Variants in CCL20 observed in about 807,000 individuals in gnomAD.
The protein encoded by CCL20 is C-C motif chemokine ligand 20.
A neutral mutation model predicts 10.8 loss-of-function variants in CCL20; 8 were observed. That is an observed-to-expected ratio of 0.74 (90% confidence interval 0.44 to 1.34). CCL20 has a LOEUF of 1.34. Ranked by LOEUF, CCL20 falls within the 40% of genes most tolerant of loss-of-function variation. The pLI is 0.01. For missense variants in CCL20, 107 were observed against 117.9 expected (o/e 0.91, Z 0.43); for synonymous variants, 40 against 39.4 (o/e 1.02, Z -0.06).
At position 227,817,187 on chromosome 2, in the gene CCL20, A is replaced by G; in HGVS notation, c.*104A>G. 2 of 811,842 alleles carry G rather than the reference A, an allele frequency of 2.5e-6. No individual in the cohort carries two copies. Among genetic ancestry groups the G allele is most frequent in the South Asian group, 1.8e-5 (1 of 56,666 alleles). 50.3% of individuals were successfully genotyped at this position (811,842 alleles called of 1,614,324 possible). A position where few individuals can be genotyped will look rare whatever the true frequency, so the allele number is the denominator to read the frequency against. ...GCACATCATGGAGGGTTTAGTGCTTATCTAATTTGTGCCTCACTGGACTTG... is the reference window on the plus strand; with the variant it reads ...GCACATCATGGAGGGTTTAGTGCTTGTCTAATTTGTGCCTCACTGGACTTG... On this transcript the variant is annotated 3_prime_UTR_variant, in exon 4 of 4. Transcript: ENST00000358813.
chr2:227,813,930 T>C lies in CCL20; in HGVS notation c.19T>C (p.Leu7=), dbSNP rs1261563920. The C allele has an allele frequency of 6.2e-7, 1 of 1,614,054 alleles. No individual in the cohort carries two copies. The highest frequency in any genetic ancestry group is 1.7e-5 in the Admixed American group (1 of 60,030). Residue 7 remains leucine (L), a synonymous_variant, in exon 1 of 4, where the codon TTG becomes CTG. Coordinates refer to ENST00000358813, the MANE Select transcript of CCL20 (RefSeq NM_004591.3). MCCTKS[L]LLAALMSVLL... ...AAAAACCATGTGCTGTACCAAGAGT[T>C]TGCTCCTGGCTGCTTTGATGTCAGT...
At chr2:227,815,826 AG>A (rs1690017580) in intron 2 of CCL20, 2 of 335,884 alleles carry the variant, frequency 6.0e-6, no homozygotes, top group Admixed American at 9.2e-5. Flanking sequence ...GAACTAGTAT[AG>A]GGCAAAAATC....
At chr2:227,814,018 G>A in intron 1 of CCL20, 31 bp downstream of exon 1, 2 of 1,584,418 alleles carry the variant, frequency 1.3e-6, no homozygotes, top group Non-Finnish European at 8.7e-7. Flanking sequence ...TAGCACAGAA[G>A]AAAGACTATT....
chr2:227,816,968 A>G, intron 3 of CCL20, 94 bp from the exon 4 acceptor site: 1 of 889,086 alleles, frequency 1.1e-6, no homozygotes, highest in Admixed American at 1.8e-5. Flanking sequence ...AGTTGAGATT[A>G]AGGGCAGGTG....
chr2:227,816,000 G>T, intron 2 of CCL20: 1 of 286,056 alleles, frequency 3.5e-6, no homozygotes. Flanking sequence ...TTATATTTTG[G>T]AATTATACAA....
At chr2:227,816,285 A>G in intron 2 of CCL20, 22 bp from the exon 3 acceptor site, 2 of 1,519,164 alleles carry the variant, frequency 1.3e-6, no homozygotes, top group Non-Finnish European at 1.8e-6. Context: ...TTAAACACAA[A>G]TCAAATTTTC....
intron 1 of CCL20, among the ~76,000 whole-genome samples, chr2:227,814,775 G>T (rs1210314661): frequency 4.0e-5 from 6 of 148,534 alleles, no homozygotes; most frequent in Admixed American, 4.0e-4. Flanking sequence ...TTTTTTTGTA[G>T]AGACAGGGTT....
At chr2:227,815,609 A>T in intron 2 of CCL20, 41 bp downstream of exon 2, 1 of 1,094,806 alleles carries the variant, frequency 9.1e-7, no homozygotes. Flanking sequence ...TATCAGGAAT[A>T]CCTAGAAACT....
chr2:227,813,906 A>G lies in CCL20; in HGVS notation c.-6A>G, dbSNP rs779095378. 8 of 1,612,910 alleles carry G rather than the reference A, an allele frequency of 5.0e-6. No individual in the cohort carries two copies. The East Asian group carries it at 1.8e-4, about 36-fold the overall frequency. On this transcript the variant is annotated 5_prime_UTR_variant, in exon 1 of 4. Coordinates refer to ENST00000358813, the MANE Select transcript of CCL20 (RefSeq NM_004591.3). ...CTGAGCAGATCTGTTCTTTGAGCTAAAAACCATGTGCTGTACCAAGAGTTT... is the reference window on the plus strand; with the variant it reads ...CTGAGCAGATCTGTTCTTTGAGCTAGAAACCATGTGCTGTACCAAGAGTTT...
In CCL20 at chr2:227,815,452, A is replaced by G. The variant is rs868325323; in HGVS notation, c.77-2A>G. The G allele has an allele frequency of 2.9e-6, 4 of 1,394,632 alleles. No homozygotes were observed. Among genetic ancestry groups the G allele is most frequent in the Non-Finnish European group, 2.9e-6 (3 of 1,030,022 alleles). The allele number at this position is 1,394,632 out of a possible 1,614,324, so 86.4% of individuals were successfully genotyped here. ...ATACCTTTCACTTTTTTTTTTTTTT[A>G]GCAGCAAGCAACTTTGACTGCTGTC... On this transcript the variant is annotated splice_acceptor_variant, in intron 1 of 3. Coordinates refer to ENST00000358813, the MANE Select transcript of CCL20 (RefSeq NM_004591.3). LOFTEE classifies it high-confidence loss of function.
chr2:227,816,664 A>G (rs1246953395), intron 3 of CCL20, among the ~76,000 whole-genome samples: 1 of 152,214 alleles, frequency 6.6e-6, no homozygotes, highest in African/African-American at 2.4e-5. Flanking sequence ...GATGCCTACT[A>G]TTTATATAAT....
At chr2:227,815,020 T>C (rs749632735) in intron 1 of CCL20, among the ~76,000 whole-genome samples, 15 of 152,182 alleles carry the variant, frequency 9.9e-5, no homozygotes, top group Non-Finnish European at 2.1e-4. Context: ...AGCCAGATAA[T>C]AGATTAAAAT....
In CCL20 at chr2:227,815,475, G is replaced by A; in HGVS notation, c.98G>A (p.Cys33Tyr). Residue 33 changes from cysteine to tyrosine, a missense_variant, in exon 2 of 4, where the codon TGT (cysteine) becomes TAT (tyrosine). Transcript: ENST00000358813. ...TTAGCAGCAAGCAACTTTGACTGCT[G>A]TCTTGGATACACAGACCGTATTCTT... ...ESEAASNFDC[C>Y]LGYTDRILHP... 6.3e-7 allele frequency: 1 copy of A among 1,587,156 alleles called. No homozygotes were observed. Among genetic ancestry groups the A allele is most frequent in the Non-Finnish European group, 8.6e-7 (1 of 1,167,100 alleles).
Position 227,815,479 on chromosome 2 carries a change from T to A in CCL20, c.102T>A (p.Leu34=). ...CAGCAAGCAACTTTGACTGCTGTCT[T>A]GGATACACAGACCGTATTCTTCATC... ...SEAASNFDCC[L]GYTDRILHPK... is the part of the protein sequence containing the mutation. The change falls in exon 2 of 4, where the codon CTT becomes CTA. Residue 34 remains leucine, a synonymous_variant. Transcript: ENST00000358813. 7 of 1,606,768 alleles carry A rather than the reference T, an allele frequency of 4.4e-6. No individual in the cohort carries two copies. The Middle Eastern group carries it at 8.3e-4, about 190-fold the overall frequency.
intron 1 of CCL20, among the ~76,000 whole-genome samples, chr2:227,814,878 A>G (rs1690001670): frequency 6.6e-6 from 1 of 152,070 alleles, no homozygotes; most frequent in African/African-American, 2.4e-5. Context: ...GGCATGAGCC[A>G]CCATGCCCAA....
intron 1 of CCL20, among the ~76,000 whole-genome samples, chr2:227,814,234 C>G (rs1393513922): frequency 1.3e-5 from 2 of 152,058 alleles, no homozygotes; most frequent in Non-Finnish European, 1.5e-5. Context: ...CCCTAAACTT[C>G]AGGATAAAGC....
chr2:227,815,388 T>A (rs934173907), intron 1 of CCL20, 66 bp from the exon 2 acceptor site: 1 of 791,652 alleles, frequency 1.3e-6, no homozygotes, highest in African/African-American at 1.7e-5. Flanking sequence ...GGTAGTTTTA[T>A]AATACCAATC....
At chr2:227,816,432 A>G in intron 3 of CCL20, 48 bp downstream of exon 3, 1 of 1,084,814 alleles carries the variant, frequency 9.2e-7, no homozygotes, top group Non-Finnish European at 1.4e-6. Context: ...AGGAAAGAGG[A>G]GTGTGCAAAG....
chr2:227,815,066 A>G (rs1690004479), intron 1 of CCL20, among the ~76,000 whole-genome samples: 1 of 152,178 alleles, frequency 6.6e-6, no homozygotes, highest in South Asian at 2.1e-4. Flanking sequence ...TTGGAAGTTT[A>G]TCTACATAAG....
Sources: allele counts gnomAD v4.1 joint callset (sites outside exome capture counted in the v4.1 genomes callset), GRCh38; gene constraint gnomAD v4.1.1; transcripts MANE v1.5; gene names NCBI Gene and HGNC (gene_info 2026-07-23, HGNC 2026-07-21).